CTNNA3: variants seen among roughly 807,000 people sequenced by gnomAD.
The protein encoded by CTNNA3 is catenin alpha-3.
A neutral mutation model predicts 95.7 loss-of-function variants in CTNNA3; 76 were observed. That is an observed-to-expected ratio of 0.79 (90% CI 0.66 to 0.96). CTNNA3 has a LOEUF of 0.96. CTNNA3 is among the 40% of genes least tolerant of loss of function. The pLI is 0.00. For missense variants in CTNNA3, 1,191 were observed against 1,089.8 expected, an observed-to-expected ratio of 1.09 and a Z score of -1.31; for synonymous variants, 431 against 374.4, an observed-to-expected ratio of 1.15 and a Z score of -1.74.
At chr10:67,675,933 G>A (rs1395876768) in intron 1 of CTNNA3, among the ~76,000 whole-genome samples, 2 of 151,834 alleles carry the variant, frequency 1.3e-5, no homozygotes, top group African/African-American at 4.8e-5. Context: ...AAGAAATTAT[G>A]TCCTATCCTA....
intron 3 of CTNNA3, among the ~76,000 whole-genome samples, chr10:67,582,829 C>G (rs148280934): frequency 0.099 from 14,972 of 151,816 alleles, 1,472 homozygotes; most frequent in African/African-American, 0.26. Flanking sequence ...TTCTTTGTCT[C>G]TTTTGATCTT....
chr10:66,811,863 G>A (rs116047339), intron 7 of CTNNA3, among the ~76,000 whole-genome samples: 1 of 152,180 alleles, frequency 6.6e-6, no homozygotes, highest in Non-Finnish European at 1.5e-5. Flanking sequence ...TTATATCTCT[G>A]ATAGCAGAGC....
chr10:65,963,482 T>C (rs746512185), intron 17 of CTNNA3, among the ~76,000 whole-genome samples: 16 of 152,236 alleles, frequency 1.1e-4, no homozygotes, highest in Admixed American at 3.3e-4. Context: ...CTTATGAAGC[T>C]TTCTCTTGCC....
At chr10:67,184,274 G>C (rs925482158) in intron 6 of CTNNA3, among the ~76,000 whole-genome samples, 2 of 152,088 alleles carry the variant, frequency 1.3e-5, no homozygotes, top group South Asian at 2.1e-4. Flanking sequence ...ATTTTGCTTC[G>C]ACTCGATTAC....
chr10:66,477,887 G>T (rs1839382924), intron 11 of CTNNA3, among the ~76,000 whole-genome samples: 1 of 152,000 alleles, frequency 6.6e-6, no homozygotes, highest in Admixed American at 6.6e-5. Flanking sequence ...AGGCCCCAGG[G>T]AAATACTTCT....
chr10:66,475,832 A>G (rs1326898186), intron 11 of CTNNA3, among the ~76,000 whole-genome samples: 1 of 151,760 alleles, frequency 6.6e-6, no homozygotes, highest in Non-Finnish European at 1.5e-5. Context: ...AGGACAAAAA[A>G]CACTATTTGA....
intron 12 of CTNNA3, among the ~76,000 whole-genome samples, chr10:66,330,500 T>C (rs1268775944): frequency 2.6e-5 from 4 of 152,094 alleles, no homozygotes; most frequent in African/African-American, 4.8e-5. Context: ...TTCCAAGTCT[T>C]TGCTATTGGG....
intron 11 of CTNNA3, among the ~76,000 whole-genome samples, chr10:66,498,055 T>G (rs74680194): frequency 0.015 from 2,323 of 152,242 alleles, 36 homozygotes; most frequent in East Asian, 0.068. Context: ...GAGATTTTTT[T>G]TAAGTAGAAA....
intron 7 of CTNNA3, among the ~76,000 whole-genome samples, chr10:67,095,298 G>A (rs550707174): frequency 7.3e-5 from 11 of 151,620 alleles, no homozygotes; most frequent in South Asian, 2.1e-4. Context: ...AAACATTCAC[G>A]TTGCTTATAA....
intron 5 of CTNNA3, among the ~76,000 whole-genome samples, chr10:67,352,130 C>T (rs1425679414): frequency 1.3e-5 from 2 of 151,922 alleles, no homozygotes; most frequent in Non-Finnish European, 2.9e-5. Context: ...ATACAATAAT[C>T]TAAGTGTGAT....
intron 7 of CTNNA3, among the ~76,000 whole-genome samples, chr10:67,139,748 T>C (rs1191316153): frequency 6.6e-6 from 1 of 152,154 alleles, no homozygotes; most frequent in Admixed American, 6.6e-5. Context: ...CAAATATAAA[T>C]CCATAGTTTA....
At chr10:66,551,818 TG>T (rs1468153491) in intron 10 of CTNNA3, among the ~76,000 whole-genome samples, 1 of 151,956 alleles carries the variant, frequency 6.6e-6, no homozygotes, top group African/African-American at 2.4e-5. Flanking sequence ...GTTTTGGAGC[TG>T]TCCGTACATG....
At chr10:67,744,539 C>G (rs1209185821) in intron 1 of CTNNA3, among the ~76,000 whole-genome samples, 4 of 151,180 alleles carry the variant, frequency 2.6e-5, no homozygotes, top group Non-Finnish European at 4.4e-5. Flanking sequence ...AGACCTAAAA[C>G]CATAAAAACC....
At chr10:66,404,060 C>T (rs2093039144) in intron 11 of CTNNA3, among the ~76,000 whole-genome samples, 1 of 152,096 alleles carries the variant, frequency 6.6e-6, no homozygotes, top group South Asian at 2.1e-4. Context: ...CAGATAACAT[C>T]ACTACTGTAG....
rs75960247 is a variant in CTNNA3 at position 67,047,282 on chromosome 10, G to C, written c.1047+133035C>G. ...AAGAATGCTTACTGGGAAAGGTATT[G>C]ACTAGTGAGATTAAAGACAAATATG... On this transcript the variant is annotated intron_variant, in intron 7 of 17. Coordinates refer to ENST00000433211, the MANE Select transcript of CTNNA3 (RefSeq NM_013266.4). Among the ~76,000 whole-genome samples, 219 of 152,284 alleles carry C rather than the reference G, an allele frequency of 1.4e-3. 4 individuals carry two copies. The highest frequency in any genetic ancestry group is 0.01 in the Admixed American group (158 of 15,286).
chr10:66,676,387 T>C (rs1465758123), intron 9 of CTNNA3, among the ~76,000 whole-genome samples: 2 of 152,084 alleles, frequency 1.3e-5, no homozygotes, highest in African/African-American at 4.8e-5. Flanking sequence ...TTACTGTACC[T>C]TAATCATTAA....
At chr10:66,046,793 A>G (rs887235624) in intron 15 of CTNNA3, among the ~76,000 whole-genome samples, 2 of 152,146 alleles carry the variant, frequency 1.3e-5, no homozygotes, top group Admixed American at 6.6e-5. Context: ...TAATGTTATT[A>G]TTGGCCCCAC....
At chr10:66,367,018 T>C (rs2092715212) in intron 12 of CTNNA3, among the ~76,000 whole-genome samples, 1 of 152,112 alleles carries the variant, frequency 6.6e-6, no homozygotes, top group African/African-American at 2.4e-5. Flanking sequence ...AAATGCAACA[T>C]AGCAGAAGAA....
At chr10:66,427,277 T>A (rs979821382) in intron 11 of CTNNA3, among the ~76,000 whole-genome samples, 1 of 151,860 alleles carries the variant, frequency 6.6e-6, no homozygotes, top group East Asian at 1.9e-4. Context: ...CTGCCATGTG[T>A]TTCTTGATTT....
Sources: gnomAD v4.1 joint callset for allele counts (sites outside exome capture counted in the v4.1 genomes callset) on GRCh38, gnomAD v4.1.1 for gene constraint, MANE v1.5 for transcripts, NCBI Gene and HGNC (gene_info 2026-07-23, HGNC 2026-07-21) for gene names.